The following RASAL2 variants were observed in gnomAD, a reference collection of about 807,000 sequenced individuals.
The protein encoded by RASAL2 is RAS protein activator like 2.
A neutral mutation model predicts 128.9 loss-of-function variants in RASAL2; 58 were observed. The observed-to-expected ratio is 0.45, with a 90% confidence interval of 0.36 to 0.56. The LOEUF (loss-of-function observed/expected upper bound fraction) is 0.56, where lower values mean the gene tolerates loss of function less well. Ranked by LOEUF, RASAL2 falls within the 20% of genes least tolerant of loss-of-function variation. RASAL2 has a pLI of 0.00. For missense variants in RASAL2, 1,360 were observed against 1,601.6 expected, an observed-to-expected ratio of 0.85 and a Z score of 2.57; for synonymous variants, 561 against 580.8, an observed-to-expected ratio of 0.97 and a Z score of 0.49.
chr1:178,121,824 CCT>C (rs2102276094), intron 1 of RASAL2, among the ~76,000 whole-genome samples: 1 of 152,200 alleles, frequency 6.6e-6, no homozygotes, highest in African/African-American at 2.4e-5. Flanking sequence ...CAACCCTGAA[CCT>C]CTCTGAGTTT....
Position 178,182,295 on chromosome 1 carries a change from G to T in RASAL2, c.202+87601G>T, listed in dbSNP as rs539783393. 6.2e-4 allele frequency among the ~76,000 whole-genome samples: 94 copies of T among 151,926 alleles called. 1 individual carries two copies. The highest frequency in any genetic ancestry group is 2.1e-3 in the African/African-American group (85 of 41,408). On this transcript the variant is annotated intron_variant, in intron 1 of 17. Coordinates refer to ENST00000367649, the MANE Select transcript of RASAL2 (RefSeq NM_170692.4). ...TGTTTGAATATATCCTTACTTTTTG[G>T]CACTACAAGATGCTCCAGGCCCATC...
intron 1 of RASAL2, among the ~76,000 whole-genome samples, chr1:178,205,472 AT>A (rs1408388992): frequency 6.6e-6 from 1 of 151,842 alleles, no homozygotes; most frequent in Non-Finnish European, 1.5e-5. Flanking sequence ...AAAGACTCTT[AT>A]GGGCCGGGCG....
At chr1:178,215,327 T>G (rs971166688) in intron 1 of RASAL2, among the ~76,000 whole-genome samples, 1 of 152,236 alleles carries the variant, frequency 6.6e-6, no homozygotes, top group Non-Finnish European at 1.5e-5. Flanking sequence ...TAAGCCACTT[T>G]GACACCACAA....
chr1:178,337,998 C>T (rs1443581240), intron 3 of RASAL2, among the ~76,000 whole-genome samples: 1 of 152,118 alleles, frequency 6.6e-6, no homozygotes, highest in African/African-American at 2.4e-5. Flanking sequence ...TCCCAAAGTA[C>T]TGGGATTACA....
rs316255 is a variant in RASAL2 at position 178,094,416 on chromosome 1, A to C, written c.-77A>C. The stretch of plus-strand genomic sequence containing the variant: ...CGCTGCGCGCTCTCCTCCTCCCCTT[A>C]CCGCAGGCAGGGCGCGGAGCCGCGC... On this transcript the variant is annotated 5_prime_UTR_variant, in exon 1 of 18. Coordinates refer to ENST00000367649, the MANE Select transcript of RASAL2 (RefSeq NM_170692.4). 1,357,891 of 1,361,820 alleles carry C rather than the reference A, an allele frequency of 1. 676,987 individuals are homozygous for C. Among genetic ancestry groups the C allele is most frequent in the East Asian group, 1 (38,534 of 38,534 alleles). 84.4% of individuals were successfully genotyped at this position (1,361,820 alleles called of 1,614,324 possible). A position where few individuals can be genotyped will look rare whatever the true frequency, so the allele number is the denominator to read the frequency against.
At chr1:178,139,871 T>C (rs1407566676) in intron 1 of RASAL2, among the ~76,000 whole-genome samples, 2 of 152,106 alleles carry the variant, frequency 1.3e-5, no homozygotes, top group Non-Finnish European at 1.5e-5. Context: ...TTTAATGAGC[T>C]CCTCTTTGTG....
At chr1:178,302,471 G>T (rs1041033442) in intron 3 of RASAL2, among the ~76,000 whole-genome samples, 11 of 152,090 alleles carry the variant, frequency 7.2e-5, no homozygotes, top group Non-Finnish European at 1.2e-4. Flanking sequence ...TCTACATAGA[G>T]AACTTTAAAA....
chr1:178,113,371 T>G (rs574193632), intron 1 of RASAL2, among the ~76,000 whole-genome samples: 1 of 152,228 alleles, frequency 6.6e-6, no homozygotes, highest in African/African-American at 2.4e-5. Flanking sequence ...CTCAGTTGTG[T>G]GATCATTACT....
chr1:178,147,495 AAG>A, intron 1 of RASAL2, among the ~76,000 whole-genome samples: 1 of 151,046 alleles, frequency 6.6e-6, no homozygotes, highest in African/African-American at 2.5e-5. Context: ...AAAAAAAAAA[AAG>A]AAAAGTAAAG....
intron 2 of RASAL2, among the ~76,000 whole-genome samples, chr1:178,284,481 G>A (rs1181733213): frequency 6.6e-6 from 1 of 152,206 alleles, no homozygotes; most frequent in Non-Finnish European, 1.5e-5. Context: ...GAGTAGAATA[G>A]ATCTGGCGAG....
chr1:178,210,673 A>G (rs1380846815), intron 1 of RASAL2, among the ~76,000 whole-genome samples: 1 of 152,208 alleles, frequency 6.6e-6, no homozygotes, highest in Non-Finnish European at 1.5e-5. Flanking sequence ...TGCATGTGCC[A>G]TATTACCTTT....
chr1:178,248,482 G>A lies in RASAL2; in HGVS notation c.203-35082G>A, dbSNP rs575485167. On this transcript the variant is annotated intron_variant, in intron 1 of 17. Coordinates refer to ENST00000367649, the MANE Select transcript of RASAL2 (RefSeq NM_170692.4). Reference sequence around the variant, plus strand: ...TCTCCTGAATACAGCATATCGATGGGTCTTGACCCTTTATCTAGTTTACCG... The same window carrying A: ...TCTCCTGAATACAGCATATCGATGGATCTTGACCCTTTATCTAGTTTACCG... 4.6e-5 allele frequency among the ~76,000 whole-genome samples: 7 copies of A among 152,182 alleles called. No individual in the cohort carries two copies. In the South Asian group the frequency reaches 6.2e-4, roughly 14 times the overall value.
At chr1:178,350,016 G>A (rs1321030679) in intron 3 of RASAL2, among the ~76,000 whole-genome samples, 1 of 152,162 alleles carries the variant, frequency 6.6e-6, no homozygotes, top group Non-Finnish European at 1.5e-5. Flanking sequence ...TGTTCTTCCT[G>A]TTCTGAACCA....
At chr1:178,096,486 G>GTGTA (rs994386663) in intron 1 of RASAL2, among the ~76,000 whole-genome samples, 23 of 150,646 alleles carry the variant, frequency 1.5e-4, no homozygotes, top group Non-Finnish European at 2.8e-4. Context: ...GTGTGTGTGT[G>GTGTA]TAAGAGAGAG....
At chr1:178,307,277 A>T (rs1018423280) in intron 3 of RASAL2, among the ~76,000 whole-genome samples, 13 of 151,086 alleles carry the variant, frequency 8.6e-5, no homozygotes, top group African/African-American at 1.7e-4. Flanking sequence ...AATTACTTTT[A>T]AAAAAAAAAT....
chr1:178,419,364 C>A (rs1174438086), intron 4 of RASAL2, among the ~76,000 whole-genome samples: 1 of 152,116 alleles, frequency 6.6e-6, no homozygotes, highest in Non-Finnish European at 1.5e-5. Context: ...GCCTCGAACT[C>A]CTGAGTTCAA....
intron 1 of RASAL2, among the ~76,000 whole-genome samples, chr1:178,130,623 T>G (rs1443836028): frequency 6.6e-6 from 1 of 152,194 alleles, no homozygotes; most frequent in Non-Finnish European, 1.5e-5. Context: ...TTAGATTTAG[T>G]CCTGGTCTTT....
At chr1:178,347,795 T>G (rs1433534607) in intron 3 of RASAL2, among the ~76,000 whole-genome samples, 1 of 152,176 alleles carries the variant, frequency 6.6e-6, no homozygotes, top group African/African-American at 2.4e-5. Context: ...GCAATTACAC[T>G]CCTATTTATG....
At chr1:178,174,892 C>A (rs551761413) in intron 1 of RASAL2, among the ~76,000 whole-genome samples, 6 of 152,238 alleles carry the variant, frequency 3.9e-5, no homozygotes, top group African/African-American at 1.4e-4. Flanking sequence ...TACCTGTTTT[C>A]AAATTGGTGT....
Sources: gnomAD v4.1 joint callset for allele counts (sites outside exome capture counted in the v4.1 genomes callset) on GRCh38, gnomAD v4.1.1 for gene constraint, MANE v1.5 for transcripts, NCBI Gene and HGNC (gene_info 2026-07-23, HGNC 2026-07-21) for gene names.